PCM1: variants seen among roughly 807,000 people sequenced by gnomAD.
PCM1 encodes the protein pericentriolar material 1 protein.
Under a neutral mutation model 241.9 loss-of-function variants are expected in PCM1, and 157 were observed. The observed-to-expected ratio is 0.65, with a 90% CI of 0.57 to 0.74. PCM1 has a LOEUF of 0.74. PCM1 is among the 30% of genes least tolerant of loss of function. PCM1 has a pLI of 0.00. For synonymous variants in PCM1, 1,085 were observed against 784.9 expected, an observed-to-expected ratio of 1.38 and a Z score of -6.39; for missense variants, 3,478 against 2,360.1, an observed-to-expected ratio of 1.47 and a Z score of -9.81.
At chr8:17,924,423 C>T (rs767737709) in intron 1 of PCM1, among the ~76,000 whole-genome samples, 19 of 152,278 alleles carry the variant, frequency 1.2e-4, no homozygotes, top group South Asian at 4.1e-4. Flanking sequence ...TTGGCATAGA[C>T]TATTAAAGGA....
intron 9 of PCM1, among the ~76,000 whole-genome samples, chr8:17,953,425 A>G (rs968467774): frequency 6.6e-6 from 1 of 152,180 alleles, no homozygotes; most frequent in Admixed American, 6.5e-5. Flanking sequence ...TTGAAAAATT[A>G]GTAGGATTTT....
Position 17,972,688 on chromosome 8 carries a change from G to A in PCM1, c.3943+1G>A, listed in dbSNP as rs1428100419. 2.0e-6 allele frequency: 3 copies of A among 1,502,900 alleles called. No homozygotes were observed. Among genetic ancestry groups the A allele is most frequent in the Non-Finnish European group, 2.7e-6 (3 of 1,123,208 alleles). 93.1% of individuals were successfully genotyped at this position (1,502,900 alleles called of 1,614,324 possible). On this transcript the variant is annotated splice_donor_variant, in intron 23 of 38. Transcript: ENST00000325083. LOFTEE classifies it high-confidence loss of function. ...CTGAAAAGCAGAGTTAAAAACATCAGTAAGTGTTGAAATTTGTTGAATGTT... is the reference window on the plus strand; with the variant it reads ...CTGAAAAGCAGAGTTAAAAACATCAATAAGTGTTGAAATTTGTTGAATGTT...
At chr8:17,992,718 G>C (rs62498194) in intron 28 of PCM1, among the ~76,000 whole-genome samples, 27,206 of 150,908 alleles carry the variant, frequency 0.18, 2,680 homozygotes, top group East Asian at 0.38. Flanking sequence ...CCAGGCTCAA[G>C]TGATTCTCAT....
rs556984987 is a variant in PCM1, at chr8:17,962,142, G to C, written c.2431G>C (p.Glu811Gln). 8 of 1,608,682 alleles carry C rather than the reference G, an allele frequency of 5.0e-6. No homozygotes were observed. In the East Asian group the frequency reaches 1.6e-4, roughly 31 times the overall value. ...GACCAGTACAAGCAAATCTGTTTTT[G>C]AGCCTGAAGATTCTTCAATAGTAGA... is the stretch of plus-strand genomic sequence containing the variant. ...HETSTSKSVF[E>Q]PEDSSIVDNE... Residue 811 changes from glutamate to glutamine, a missense_variant, in exon 16 of 39, where the codon GAG becomes CAG. Transcript: ENST00000325083.
intron 29 of PCM1, among the ~76,000 whole-genome samples, chr8:17,997,191 A>G (rs745867358): frequency 1.3e-5 from 2 of 151,528 alleles, no homozygotes; most frequent in Admixed American, 6.6e-5. Context: ...TTCTTCCTTC[A>G]GCACTTGAAA....
At chr8:17,962,531 C>A (rs1176358985) in intron 16 of PCM1, among the ~76,000 whole-genome samples, 2 of 152,096 alleles carry the variant, frequency 1.3e-5, no homozygotes, top group African/African-American at 4.8e-5. Context: ...TATCCTTTGA[C>A]ATTTTATTTA....
Position 17,967,185 on chromosome 8 carries a change from C to T in PCM1, c.3412+15C>T. ...ATTTGCACCAGGTAGGTGACTTAAC[C>T]TAAAGAGAAAATAAATAAAAGCAAA... On this transcript the variant is annotated intron_variant, in intron 21 of 38. Transcript: ENST00000325083. 1 of 1,543,814 alleles carries T rather than the reference C, an allele frequency of 6.5e-7. No homozygotes were observed. Among genetic ancestry groups the T allele is most frequent in the Non-Finnish European group, 8.8e-7 (1 of 1,136,994 alleles).
At chr8:17,963,372 C>T (rs2073416366) in intron 17 of PCM1, 81 bp downstream of exon 17, 1 of 954,544 alleles carries the variant, frequency 1.0e-6, no homozygotes, top group Admixed American at 2.8e-5. Flanking sequence ...CACATTTCTC[C>T]TCTACATCAC....
intron 15 of PCM1, among the ~76,000 whole-genome samples, chr8:17,961,304 C>CTTTTTTTTTTT (rs35468848): frequency 1.0e-4 from 8 of 79,140 alleles, no homozygotes; most frequent in African/African-American, 3.7e-4. Flanking sequence ...TATTGGCTAG[C>CTTTTTTTTTTT]TTTTTTTTTT....
chr8:17,955,318 G>C (rs2067780471), intron 9 of PCM1, among the ~76,000 whole-genome samples, 152 bp from the exon 10 acceptor site: 1 of 152,126 alleles, frequency 6.6e-6, no homozygotes, highest in African/African-American at 2.4e-5. Context: ...TAATTGTGGA[G>C]TAAGTTAATA....
At chr8:18,014,218 A>G (rs1166764556) in intron 35 of PCM1, among the ~76,000 whole-genome samples, 182 bp downstream of exon 35, 1 of 152,164 alleles carries the variant, frequency 6.6e-6, no homozygotes, top group African/African-American at 2.4e-5. Context: ...ATTTGTTTCT[A>G]TAAACAATAA....
At position 17,950,599 on chromosome 8, in the gene PCM1, A is replaced by G. The variant is rs751379537; in HGVS notation, c.962-16A>G. ...TGATTATTTACATTAATCAGTAGTT[A>G]CTAATTTCTTTCCAGTTGTTGCAGA... On this transcript the variant is annotated splice_polypyrimidine_tract_variant and intron_variant, in intron 7 of 38. Coordinates refer to ENST00000325083, the MANE Select transcript of PCM1 (RefSeq NM_006197.4). 5.5e-6 allele frequency: 7 copies of G among 1,272,628 alleles called. No individual in the cohort carries two copies. The highest frequency in any genetic ancestry group is 5.4e-5 in the Admixed American group (3 of 55,194). 78.8% of individuals were successfully genotyped at this position (1,272,628 alleles called of 1,614,324 possible).
chr8:17,950,424 C>A (rs2065598472), intron 7 of PCM1, among the ~76,000 whole-genome samples, 191 bp from the exon 8 acceptor site: 1 of 152,176 alleles, frequency 6.6e-6, no homozygotes, highest in South Asian at 2.1e-4. Flanking sequence ...TTGTGAGCAT[C>A]CCTTTATTTT....
In PCM1 at chr8:18,013,964, G is replaced by A; in HGVS notation, c.5512G>A (p.Val1838Ile). The change falls in exon 35 of 39, where the codon GTC becomes ATC. Residue 1838 changes from valine to isoleucine, a missense_variant and splice_region_variant. Val to Ile is a conservative substitution (Grantham distance 29). Coordinates refer to ENST00000325083, the MANE Select transcript of PCM1 (RefSeq NM_006197.4). ...ATEENEHDEQVLQRDFKKTAE... is the reference protein window; with the variant it reads ...ATEENEHDEQILQRDFKKTAE... ...CTATTAAAACATTTTTCCCTTCTAGGTCCTACAACGTGACTTTAAAAAGAC... is the reference window on the plus strand; with the variant it reads ...CTATTAAAACATTTTTCCCTTCTAGATCCTACAACGTGACTTTAAAAAGAC... 6.3e-7 allele frequency: 1 copy of A among 1,590,148 alleles called. No homozygotes were observed.
chr8:17,957,684 C>T lies in PCM1; in HGVS notation c.1949C>T (p.Pro650Leu), dbSNP rs1010550902. 6.2e-7 allele frequency: 1 copy of T among 1,611,360 alleles called. No homozygotes were observed. The highest frequency in any genetic ancestry group is 1.3e-5 in the African/African-American group (1 of 74,826). ...SHRSSLVDEH[P>L]EDAEFEQKIN... ...AGGAGCAGTCTGGTTGATGAGCATCCAGAAGATGCTGAATTTGAACAGAAG... is the reference window on the plus strand; with the variant it reads ...AGGAGCAGTCTGGTTGATGAGCATCTAGAAGATGCTGAATTTGAACAGAAG... The change falls in exon 13 of 39, where the codon CCA (proline) becomes CTA (leucine). Residue 650 changes from proline (P) to leucine (L), a missense_variant. Transcript: ENST00000325083.
Position 18,022,502 on chromosome 8 carries a change from A to G in PCM1, c.5842-2859A>G, listed in dbSNP as rs531404832. ...ACTCCCACACACACTTGGGTGAGCA[A>G]TTGGTTTTATGAAAAGGTTTGGTAT... On this transcript the variant is annotated intron_variant, in intron 36 of 38. Transcript: ENST00000325083. Among the ~76,000 whole-genome samples, 9 of 152,296 alleles carry G rather than the reference A, an allele frequency of 5.9e-5. No homozygotes were observed. In the South Asian group the frequency reaches 6.2e-4, roughly 11 times the overall value.
chr8:18,029,316 C>A lies in PCM1; in HGVS notation c.*1654C>A. 4.7e-6 allele frequency: 1 copy of A among 212,234 alleles called. No individual in the cohort carries two copies. Among genetic ancestry groups the A allele is most frequent in the Non-Finnish European group, 9.6e-6 (1 of 104,686 alleles). The allele number at this position is 212,234 out of a possible 1,614,324, so 13.1% of individuals were successfully genotyped here. A position where few individuals can be genotyped will look rare whatever the true frequency, so the allele number is the denominator to read the frequency against. ...ATCTTCAACTTTAATAAAACCTATT[C>A]AGAAAATTACCAATTCAGAATTCGG... On this transcript the variant is annotated 3_prime_UTR_variant, in exon 39 of 39. Coordinates refer to ENST00000325083, the MANE Select transcript of PCM1 (RefSeq NM_006197.4).
At position 18,022,184 on chromosome 8, in the gene PCM1, A is replaced by G. The variant is rs192715344; in HGVS notation, c.5842-3177A>G. Among the ~76,000 whole-genome samples, 11 of 152,230 alleles carry G rather than the reference A, an allele frequency of 7.2e-5. No individual in the cohort carries two copies. In the East Asian group the frequency reaches 2.1e-3, roughly 29 times the overall value. On this transcript the variant is annotated intron_variant, in intron 36 of 38. Transcript: ENST00000325083. ...CTTAGACTCTTGGACTTGACAACCT[A>G]TAGGTGACTTAAAGATATAAAAGGG... is the stretch of plus-strand genomic sequence containing the variant.
intron 6 of PCM1, among the ~76,000 whole-genome samples, chr8:17,946,831 C>CTGTG (rs1563787560): frequency 1.9e-5 from 2 of 107,396 alleles, no homozygotes; most frequent in African/African-American, 4.8e-5. Context: ...CTAGATTCTT[C>CTGTG]AGTGTGTGTG....
Sources: gnomAD v4.1 joint callset for allele counts (sites outside exome capture counted in the v4.1 genomes callset) on GRCh38, gnomAD v4.1.1 for gene constraint, MANE v1.5 for transcripts, NCBI Gene and HGNC (gene_info 2026-07-23, HGNC 2026-07-21) for gene names.